HCRTR2: variants seen among roughly 807,000 people sequenced by gnomAD.
The protein encoded by HCRTR2 is orexin receptor type 2.
A neutral mutation model predicts 49.0 loss-of-function variants in HCRTR2; 22 were observed. The ratio of observed to expected loss-of-function variants is 0.45; its 90% CI spans 0.32 to 0.64. HCRTR2 has a LOEUF of 0.64. Ranked by LOEUF, HCRTR2 falls within the 30% of genes least tolerant of loss-of-function variation. HCRTR2 has a pLI of 0.04. For synonymous variants in HCRTR2, 236 were observed against 205.3 expected, an observed-to-expected ratio of 1.15 and a Z score of -1.28; for missense variants, 491 against 559.4, an observed-to-expected ratio of 0.88 and a Z score of 1.23.
At chr6:55,259,546 C>T (rs1049634598) in intron 3 of HCRTR2, among the ~76,000 whole-genome samples, 1 of 151,840 alleles carries the variant, frequency 6.6e-6, no homozygotes, top group African/African-American at 2.4e-5. Flanking sequence ...GAATAATGAA[C>T]CTTAAGTCAT....
chr6:55,250,125 G>A (rs1015582360), intron 2 of HCRTR2, among the ~76,000 whole-genome samples: 1 of 152,034 alleles, frequency 6.6e-6, no homozygotes, highest in Admixed American at 6.6e-5. Flanking sequence ...ATAGTAAGTG[G>A]AAAATACTAT....
chr6:55,268,908 G>A (rs1766914594), intron 4 of HCRTR2, among the ~76,000 whole-genome samples: 1 of 151,714 alleles, frequency 6.6e-6, no homozygotes, highest in South Asian at 2.1e-4. Flanking sequence ...AGCTAACATG[G>A]TGAAACCTCG....
At chr6:55,256,400 G>C (rs1437631884) in intron 3 of HCRTR2, among the ~76,000 whole-genome samples, 1 of 151,750 alleles carries the variant, frequency 6.6e-6, no homozygotes, top group Non-Finnish European at 1.5e-5. Context: ...TCCTACCTTG[G>C]TGTTTGTACT....
intron 3 of HCRTR2, among the ~76,000 whole-genome samples, chr6:55,258,445 TCTAA>T: frequency 2.1e-5 from 3 of 145,620 alleles, no homozygotes; most frequent in South Asian, 4.1e-4. Flanking sequence ...GAGAACTCTG[TCTAA>T]CTAAAAAATT....
At chr6:55,174,491 C>G, upstream of HCRTR2, 2 of 1,033,796 alleles carry the variant, frequency 1.9e-6, no homozygotes, top group South Asian at 2.5e-5. Context: ...CCCCTTCTAG[C>G]CTCTCCGCGC....
chr6:55,264,046 G>C, intron 4 of HCRTR2: 2 of 474,448 alleles, frequency 4.2e-6, no homozygotes, highest in Non-Finnish European at 7.5e-6. Context: ...CATTTTTAGA[G>C]TAATATTCAG....
intron 1 of HCRTR2, among the ~76,000 whole-genome samples, chr6:55,145,437 T>G (rs567404595): frequency 9.9e-5 from 15 of 151,048 alleles, no homozygotes; most frequent in African/African-American, 2.7e-4. Flanking sequence ...TTGAGACGGA[T>G]TCTTGCTCAG....
chr6:55,248,350 A>G (rs1232445957), intron 1 of HCRTR2, among the ~76,000 whole-genome samples: 1 of 152,150 alleles, frequency 6.6e-6, no homozygotes, highest in African/African-American at 2.4e-5. Context: ...GAATAGAAAG[A>G]TGAATCAAAG....
At chr6:55,216,357 A>T (rs1765786799) in intron 1 of HCRTR2, among the ~76,000 whole-genome samples, 1 of 152,144 alleles carries the variant, frequency 6.6e-6, no homozygotes, top group Admixed American at 6.5e-5. Context: ...AACCTGTTCT[A>T]GCACCAACTC....
chr6:55,141,433 A>G (rs1385511388), intron 1 of HCRTR2, among the ~76,000 whole-genome samples: 1 of 152,174 alleles, frequency 6.6e-6, no homozygotes, highest in Non-Finnish European at 1.5e-5. Flanking sequence ...AAAGAGAGGC[A>G]GATACCTAAG....
chr6:55,221,036 A>G (rs9382464), intron 1 of HCRTR2, among the ~76,000 whole-genome samples: 42,920 of 152,080 alleles, frequency 0.28, 6,192 homozygotes, highest in Admixed American at 0.33. Context: ...AAGCATTACC[A>G]AAAAATAATT....
At chr6:55,215,137 C>CTAAT (rs1765765070) in intron 1 of HCRTR2, among the ~76,000 whole-genome samples, 1 of 152,092 alleles carries the variant, frequency 6.6e-6, no homozygotes, top group African/African-American at 2.4e-5. Flanking sequence ...ACATTATAAT[C>CTAAT]TAATTATCAA....
chr6:55,144,099 CTTTTTTTTTTTTTTTTTTTT>C (rs530138605), intron 1 of HCRTR2, among the ~76,000 whole-genome samples: 74 of 85,392 alleles, frequency 8.7e-4, no homozygotes, highest in African/African-American at 4.1e-3. Context: ...CCCGTCCTGC[CTTTTTTTTTTTTTTTTTTTT>C]TTTTTTTTTT....
intron 1 of HCRTR2, among the ~76,000 whole-genome samples, chr6:55,139,830 C>T (rs953777077): frequency 6.6e-6 from 1 of 152,140 alleles, no homozygotes; most frequent in Admixed American, 6.5e-5. Context: ...AACTAGTACC[C>T]CTAGTAAAGT....
chr6:55,174,372 C>G (rs983638933), upstream of HCRTR2: 25 of 582,074 alleles, frequency 4.3e-5, no homozygotes, highest in African/African-American at 4.7e-4. Context: ...GCCTATCTTC[C>G]CGGTGCAACA....
chr6:55,150,294 C>T (rs1764646841), intron 1 of HCRTR2, among the ~76,000 whole-genome samples: 1 of 150,432 alleles, frequency 6.6e-6, no homozygotes, highest in African/African-American at 2.4e-5. Context: ...CCAAAAGATT[C>T]CTCCTACCCT....
intron 1 of HCRTR2, among the ~76,000 whole-genome samples, chr6:55,162,469 T>C (rs1484574136): frequency 6.6e-6 from 1 of 152,110 alleles, no homozygotes; most frequent in Non-Finnish European, 1.5e-5. Flanking sequence ...TTCAACATAG[T>C]GTTGGAAGTT....
chr6:55,115,508 GTGTGGTA>G (rs1486916084), intron 1 of HCRTR2, among the ~76,000 whole-genome samples: 3 of 142,222 alleles, frequency 2.1e-5, no homozygotes, highest in African/African-American at 5.2e-5. Context: ...GTGTGTGTGT[GTGTGGTA>G]GTAGTAGTAG....
At chr6:55,115,638 T>A (rs1764106032) in intron 1 of HCRTR2, among the ~76,000 whole-genome samples, 2 of 151,666 alleles carry the variant, frequency 1.3e-5, no homozygotes, top group Non-Finnish European at 3.0e-5. Flanking sequence ...TAGTTACCAT[T>A]TTTATTGTTG....
Sources: allele counts gnomAD v4.1 joint callset (sites outside exome capture counted in the v4.1 genomes callset), GRCh38; gene constraint gnomAD v4.1.1; transcripts MANE v1.5; gene names NCBI Gene and HGNC (gene_info 2026-07-23, HGNC 2026-07-21).